ABTB2: variants seen among roughly 807,000 people sequenced by gnomAD.
ABTB2 encodes the protein ankyrin repeat and BTB domain containing 2, also known as ankyrin repeat and BTB/POZ domain-containing protein 2.
Under a neutral mutation model 104.1 loss-of-function variants are expected in ABTB2, and 56 were observed. That is an observed-to-expected ratio of 0.54 (90% CI 0.43 to 0.67). The LOEUF (loss-of-function observed/expected upper bound fraction) is 0.67, where lower values mean the gene tolerates loss of function less well. Ranked by LOEUF, ABTB2 falls within the 30% of genes least tolerant of loss-of-function variation. The probability of loss-of-function intolerance (pLI) is 0.00; values close to 1 mark genes in which losing one functional copy is unlikely to be tolerated. For missense variants in ABTB2, 1,279 were observed against 1,407.7 expected (o/e 0.91, Z 1.46); for synonymous variants, 606 against 608.2 (o/e 1.00, Z 0.05).
chr11:34,232,098 C>T (rs1257840515), intron 1 of ABTB2, among the ~76,000 whole-genome samples: 3 of 152,088 alleles, frequency 2.0e-5, no homozygotes, highest in Non-Finnish European at 2.9e-5. Context: ...ATAGGGGAAA[C>T]GGTGTGGGGT....
At chr11:34,267,710 G>A (rs557549916) in intron 1 of ABTB2, among the ~76,000 whole-genome samples, 2 of 152,272 alleles carry the variant, frequency 1.3e-5, no homozygotes, top group South Asian at 4.1e-4. Context: ...CCAACCAGGT[G>A]CTATCTGAGA....
chr11:34,338,473 G>C (rs540786217), intron 1 of ABTB2, among the ~76,000 whole-genome samples: 1 of 151,346 alleles, frequency 6.6e-6, no homozygotes, highest in African/African-American at 2.4e-5. Context: ...GAGGTGGGTA[G>C]ATCACTTGAG....
At chr11:34,194,694 C>A (rs1345682572) in intron 3 of ABTB2, among the ~76,000 whole-genome samples, 2 of 152,168 alleles carry the variant, frequency 1.3e-5, no homozygotes, top group African/African-American at 4.8e-5. Context: ...AGGAGCCAGG[C>A]CACCAGGGCG....
intron 13 of ABTB2, 114 bp downstream of exon 13, chr11:34,159,792 G>A: frequency 1.2e-6 from 1 of 827,330 alleles, no homozygotes; most frequent in Non-Finnish European, 2.0e-6. Context: ...ACTGCAGTCT[G>A]AGGGGCAGAG....
chr11:34,270,562 A>T (rs945486047), intron 1 of ABTB2, among the ~76,000 whole-genome samples: 1 of 152,032 alleles, frequency 6.6e-6, no homozygotes, highest in Non-Finnish European at 1.5e-5. Context: ...CTGTTCTGGA[A>T]CTCCTGACCT....
At chr11:34,287,300 G>C (rs1323240922) in intron 1 of ABTB2, among the ~76,000 whole-genome samples, 1 of 151,978 alleles carries the variant, frequency 6.6e-6, no homozygotes, top group Non-Finnish European at 1.5e-5. Flanking sequence ...GGCTGGGTGT[G>C]GTGGCTCATG....
intron 1 of ABTB2, among the ~76,000 whole-genome samples, chr11:34,249,344 G>A (rs1444290692): frequency 6.6e-6 from 1 of 152,182 alleles, no homozygotes; most frequent in African/African-American, 2.4e-5. Context: ...TAATGAAAAA[G>A]TTGGCAAGAA....
intron 1 of ABTB2, among the ~76,000 whole-genome samples, chr11:34,229,121 G>GAAAAAA (rs370579783): frequency 0.54 from 55,345 of 102,310 alleles, 14,851 homozygotes; most frequent in Non-Finnish European, 0.65. Flanking sequence ...CTCCGTCTTG[G>GAAAAAA]AAAAAAAAAA....
At chr11:34,330,069 G>A (rs1286078967) in intron 1 of ABTB2, among the ~76,000 whole-genome samples, 3 of 152,218 alleles carry the variant, frequency 2.0e-5, no homozygotes, top group Non-Finnish European at 2.9e-5. Flanking sequence ...ATACTGCTTA[G>A]ATAAACAGGT....
chr11:34,250,614 G>A (rs771141885), intron 1 of ABTB2, among the ~76,000 whole-genome samples: 1 of 152,188 alleles, frequency 6.6e-6, no homozygotes, highest in Non-Finnish European at 1.5e-5. Context: ...AGCGATGCAT[G>A]TGGAAAGTGA....
intron 1 of ABTB2, among the ~76,000 whole-genome samples, chr11:34,209,875 G>C (rs1475407991): frequency 2.0e-5 from 3 of 147,560 alleles, no homozygotes; most frequent in African/African-American, 2.5e-5. Flanking sequence ...GGGGGTGAGG[G>C]GTAGTGGTAG....
chr11:34,268,036 T>C (rs1854271543), intron 1 of ABTB2, among the ~76,000 whole-genome samples: 1 of 152,172 alleles, frequency 6.6e-6, no homozygotes, highest in South Asian at 2.1e-4. Flanking sequence ...GCTGAAGTGA[T>C]TCTCCAGCCT....
chr11:34,249,322 C>T (rs12418981), intron 1 of ABTB2, among the ~76,000 whole-genome samples: 9,576 of 152,022 alleles, frequency 0.063, 378 homozygotes, highest in Middle Eastern at 0.11. Context: ...CAGTGTAGGA[C>T]GATATATGTA....
At chr11:34,161,192 A>T in intron 10 of ABTB2, 111 bp from the exon 11 acceptor site, 1 of 1,181,688 alleles carries the variant, frequency 8.5e-7, no homozygotes, top group Admixed American at 2.9e-5. Context: ...CTGTCTGCAG[A>T]GCACCCCGCC....
intron 5 of ABTB2, among the ~76,000 whole-genome samples, chr11:34,169,211 A>G (rs1852838405): frequency 6.6e-6 from 1 of 152,204 alleles, no homozygotes. Context: ...TTTAAACCAA[A>G]TGACGGGCCC....
intron 1 of ABTB2, among the ~76,000 whole-genome samples, chr11:34,222,750 T>C (rs1328800777): frequency 6.6e-6 from 1 of 152,264 alleles, no homozygotes; most frequent in Non-Finnish European, 1.5e-5. Context: ...CACTGACTTC[T>C]AACCCTGGGC....
intron 1 of ABTB2, among the ~76,000 whole-genome samples, chr11:34,242,045 C>T (rs1212061410): frequency 1.3e-5 from 2 of 152,202 alleles, no homozygotes; most frequent in Non-Finnish European, 2.9e-5. Flanking sequence ...TCGGGCCCTG[C>T]GTTGGAAATC....
chr11:34,306,945 T>C lies in ABTB2; in HGVS notation c.883+49756A>G, dbSNP rs79924253. 7.1e-3 allele frequency among the ~76,000 whole-genome samples: 806 copies of C among 114,210 alleles called. 7 individuals carry two copies. The highest frequency in any genetic ancestry group is 0.026 in the African/African-American group (738 of 28,090). 74.9% of individuals were successfully genotyped at this position (114,210 alleles called of 152,430 possible). A position where few individuals can be genotyped will look rare whatever the true frequency, so the allele number is the denominator to read the frequency against. ...AGCTTGCTTACTAGTTTTCCAGCCA[T>C]AGCAAGCAATGACAGCTAGCACCAT... On this transcript the variant is annotated intron_variant, in intron 1 of 16. Transcript: ENST00000435224.
chr11:34,225,154 G>A (rs1049619718), intron 1 of ABTB2, among the ~76,000 whole-genome samples: 19 of 152,262 alleles, frequency 1.2e-4, no homozygotes, highest in East Asian at 7.7e-4. Flanking sequence ...CATGACACCC[G>A]TCTCCTCCAA....
Sources: gnomAD v4.1 joint callset for allele counts (sites outside exome capture counted in the v4.1 genomes callset) on GRCh38, gnomAD v4.1.1 for gene constraint, MANE v1.5 for transcripts, NCBI Gene and HGNC (gene_info 2026-07-23, HGNC 2026-07-21) for gene names.